MRC1: variants seen among roughly 807,000 people sequenced by gnomAD.
MRC1 encodes the protein mannose receptor C-type 1.
Under a neutral mutation model 102.9 loss-of-function variants are expected in MRC1, and 62 were observed. The ratio of observed to expected loss-of-function variants is 0.60; its 90% CI spans 0.49 to 0.74. The LOEUF is 0.74. Among genes scored for constraint, MRC1 ranks in the 30% least tolerant of loss-of-function variants. MRC1 has a pLI of 0.00. For missense variants in MRC1, 1,237 were observed against 862.8 expected, an observed-to-expected ratio of 1.43 and a Z score of -5.43; for synonymous variants, 457 against 298.4, an observed-to-expected ratio of 1.53 and a Z score of -5.48.
At chr10:17,870,717 G>A (rs1284512973) in intron 13 of MRC1, 131 bp from the exon 14 acceptor site, 2 of 774,578 alleles carry the variant, frequency 2.6e-6, no homozygotes, top group African/African-American at 1.7e-5. Context: ...CTATTTAGCT[G>A]TTAAATCTCT....
chr10:17,867,863 G>T (rs1272262380), intron 12 of MRC1, among the ~76,000 whole-genome samples: 1 of 152,188 alleles, frequency 6.6e-6, no homozygotes, highest in Admixed American at 6.5e-5. Context: ...GTATTCTAAA[G>T]AGAGTCCTCC....
intron 21 of MRC1, among the ~76,000 whole-genome samples, chr10:17,881,846 T>C (rs957624374): frequency 7.3e-6 from 1 of 136,384 alleles, no homozygotes; most frequent in African/African-American, 2.8e-5. Context: ...TTTTTTTTTT[T>C]TTTTTTTTTT....
intron 1 of MRC1, among the ~76,000 whole-genome samples, chr10:17,822,667 T>C (rs1237005459): frequency 1.3e-5 from 2 of 152,208 alleles, no homozygotes; most frequent in Non-Finnish European, 2.9e-5. Context: ...CATACATGCA[T>C]TTAATTTTAC....
chr10:17,821,880 T>G (rs576585783), intron 1 of MRC1, among the ~76,000 whole-genome samples: 1 of 152,342 alleles, frequency 6.6e-6, no homozygotes, highest in Non-Finnish European at 1.5e-5. Context: ...CCAGCTCATT[T>G]TGAAAGAACA....
At position 17,873,808 on chromosome 10, in the gene MRC1, C is replaced by T; in HGVS notation, c.2369C>T (p.Thr790Ile). 1.1e-6 allele frequency: 1 copy of T among 872,630 alleles called. No homozygotes were observed. The highest frequency in any genetic ancestry group is 2.0e-6 in the Non-Finnish European group (1 of 501,394). 54.1% of individuals were successfully genotyped at this position (872,630 alleles called of 1,614,324 possible). Reference sequence around the variant, plus strand: ...GGACAAACACCAAAACCTGAGCCAACACCAGCTCCTCAAGACAGTAGGTGT... The same window carrying T: ...GGACAAACACCAAAACCTGAGCCAATACCAGCTCCTCAAGACAGTAGGTGT... ...QKGQTPKPEP[T>I]PAPQDNPPVT... is the part of the protein sequence containing the mutation. The change falls in exon 16 of 30, where the codon ACA becomes ATA. Residue 790 changes from threonine to isoleucine, a missense_variant. By Grantham distance (89) the Thr-to-Ile change is moderately conservative. Transcript: ENST00000569591.
chr10:17,904,932 C>A (rs1376163656), intron 26 of MRC1, among the ~76,000 whole-genome samples: 12 of 152,138 alleles, frequency 7.9e-5, no homozygotes, highest in African/African-American at 2.9e-4. Context: ...AGTTGTTTGC[C>A]CCAACTATTA....
intron 2 of MRC1, among the ~76,000 whole-genome samples, 174 bp from the exon 3 acceptor site, chr10:17,827,368 T>TTA (rs1838492917): frequency 6.3e-5 from 1 of 15,760 alleles, no homozygotes; most frequent in Non-Finnish European, 1.2e-4. Context: ...GGAAAAAAAA[T>TTA]ACCCAAAAAA....
chr10:17,815,156 C>T (rs1838291172), intron 1 of MRC1, among the ~76,000 whole-genome samples: 2 of 152,132 alleles, frequency 1.3e-5, no homozygotes, highest in Non-Finnish European at 2.9e-5. Flanking sequence ...ATTCTCACGA[C>T]AATGAGGAGG....
intron 1 of MRC1, among the ~76,000 whole-genome samples, chr10:17,821,833 G>A (rs1838400788): frequency 6.6e-6 from 1 of 152,158 alleles, no homozygotes; most frequent in African/African-American, 2.4e-5. Context: ...AAAATAATGA[G>A]CTCATTTAGT....
At chr10:17,845,767 G>T (rs797027774) in intron 6 of MRC1, among the ~76,000 whole-genome samples, 81,107 of 151,960 alleles carry the variant, frequency 0.53, 21,736 homozygotes, top group East Asian at 0.6. Context: ...GGCAAAACCG[G>T]AATCCAAGCT....
rs782728662 is a variant in MRC1, at chr10:17,907,538, G to T, written c.3918G>T (p.Thr1306=). The T allele has an allele frequency of 5.1e-6, 4 of 780,704 alleles. No individual in the cohort carries two copies. Among genetic ancestry groups the T allele is most frequent in the Non-Finnish European group, 7.2e-6 (3 of 417,950 alleles). 48.4% of individuals were successfully genotyped at this position (780,704 alleles called of 1,614,324 possible). The change falls in exon 28 of 30, where the codon ACG becomes ACT. Residue 1306 remains threonine (T), a synonymous_variant. Transcript: ENST00000569591. ...TTGGTTTTATCTGATGACCAGGGAC[G>T]TGGCTGTGGATAAATAACAGTCCGG... ...WIGLFRNVEG[T]WLWINNSPVS...
chr10:17,833,518 C>G (rs1340824992), intron 3 of MRC1, among the ~76,000 whole-genome samples, 157 bp from the exon 4 acceptor site: 1 of 77,582 alleles, frequency 1.3e-5, no homozygotes, highest in Non-Finnish European at 2.8e-5. Context: ...AAGACTCTGT[C>G]TCAAAAAAAA....
At position 17,856,347 on chromosome 10, in the gene MRC1, A is replaced by T; in HGVS notation, c.1513A>T (p.Arg505Trp). The T allele has an allele frequency of 2.4e-6, 2 of 849,646 alleles. No homozygotes were observed. The highest frequency in any genetic ancestry group is 4.1e-6 in the Non-Finnish European group (2 of 489,904). The allele number at this position is 849,646 out of a possible 1,614,324, so 52.6% of individuals were successfully genotyped here. A position where few individuals can be genotyped will look rare whatever the true frequency, so the allele number is the denominator to read the frequency against. Residue 505 changes from arginine (R) to tryptophan (W), a missense_variant, in exon 9 of 30, where the codon AGG (arginine) becomes TGG (tryptophan). Coordinates refer to ENST00000569591, the MANE Select transcript of MRC1 (RefSeq NM_002438.4). ...PEIVEVEKGC[R>W]KGWKKHHFYC... Reference sequence around the variant, plus strand: ...AATAGTGGAAGTCGAAAAAGGCTGCAGGAAAGTGAGTGCACCATGCCCACA... The same window carrying T: ...AATAGTGGAAGTCGAAAAAGGCTGCTGGAAAGTGAGTGCACCATGCCCACA...
intron 22 of MRC1, 111 bp downstream of exon 22, chr10:17,885,546 T>TGC: frequency 1.4e-6 from 1 of 701,682 alleles, no homozygotes. Context: ...CTTGATCTGT[T>TGC]CTATGCTTGC....
chr10:17,833,708 C>T lies in MRC1; in HGVS notation c.671C>T (p.Pro224Leu), dbSNP rs782638943. The part of the protein sequence containing the change: ...EGSESLWNKD[P>L]LTSVSYQINS... The stretch of plus-strand genomic sequence containing the variant: ...AGTGAAAGCTTATGGAATAAAGACC[C>T]GCTGACCAGCGTTTCCTACCAGATA... Residue 224 changes from proline to leucine, a missense_variant, in exon 4 of 30, where the codon CCG becomes CTG. Pro to Leu is a moderately conservative substitution (Grantham distance 98). Transcript: ENST00000569591. 264 of 780,918 alleles carry T rather than the reference C, an allele frequency of 3.4e-4. 2 individuals are homozygous for T. The highest frequency in any genetic ancestry group is 5.7e-4 in the Non-Finnish European group (238 of 418,122). 48.4% of individuals were successfully genotyped at this position (780,918 alleles called of 1,614,324 possible).
At chr10:17,871,847 A>C (rs1462852573) in intron 14 of MRC1, 135 bp from the exon 15 acceptor site, 35 of 688,190 alleles carry the variant, frequency 5.1e-5, no homozygotes, top group Non-Finnish European at 9.0e-5. Flanking sequence ...CTGTGCTTTC[A>C]AAGCAAAGCT....
intron 9 of MRC1, among the ~76,000 whole-genome samples, chr10:17,861,089 C>A (rs971756425): frequency 5.9e-5 from 9 of 152,306 alleles, no homozygotes; most frequent in Non-Finnish European, 1.3e-4. Context: ...GCGGGTAGAT[C>A]ACTTGAGGTC....
In MRC1 at chr10:17,901,990, C is replaced by T. The variant is rs1294089438; in HGVS notation, c.3667C>T (p.Pro1223Ser). 2 of 780,730 alleles carry T rather than the reference C, an allele frequency of 2.6e-6. No homozygotes were observed. Among genetic ancestry groups the T allele is most frequent in the African/African-American group, 1.7e-5 (1 of 59,214 alleles). The allele number at this position is 780,730 out of a possible 1,614,324, so 48.4% of individuals were successfully genotyped here. A position where few individuals can be genotyped will look rare whatever the true frequency, so the allele number is the denominator to read the frequency against. The stretch of plus-strand genomic sequence containing the variant: ...ATTAACAGAAATCCCTGCTACTGAA[C>T]CCCCACAACTGCCTGGCAGATGCCC... ...KRSDEIPATEPPQLPGRCPES... is the reference protein window; with the variant it reads ...KRSDEIPATESPQLPGRCPES... The change falls in exon 26 of 30, where the codon CCC becomes TCC. Residue 1223 changes from proline (P) to serine (S), a missense_variant. Transcript: ENST00000569591.
At chr10:17,850,049 C>T (rs1328952183) in intron 7 of MRC1, among the ~76,000 whole-genome samples, 1 of 151,874 alleles carries the variant, frequency 6.6e-6, no homozygotes, top group African/African-American at 2.4e-5. Context: ...CATGCATTAT[C>T]TGGATGCAGA....
Sources: allele counts gnomAD v4.1 joint callset (sites outside exome capture counted in the v4.1 genomes callset), GRCh38; gene constraint gnomAD v4.1.1; transcripts MANE v1.5; gene names NCBI Gene and HGNC (gene_info 2026-07-23, HGNC 2026-07-21).